USP48: variants seen among roughly 807,000 people sequenced by gnomAD.
USP48 encodes the protein ubiquitin specific peptidase 48.
A neutral mutation model predicts 150.7 loss-of-function variants in USP48; 43 were observed. The observed-to-expected ratio is 0.29, with a 90% confidence interval of 0.22 to 0.37. The LOEUF (loss-of-function observed/expected upper bound fraction) is 0.37, where lower values mean the gene tolerates loss of function less well. Ranked by LOEUF, USP48 falls within the 10% of genes least tolerant of loss-of-function variation. USP48 has a pLI of 1.00. For synonymous variants in USP48, 396 were observed against 425.9 expected, an observed-to-expected ratio of 0.93 and a Z score of 0.86; for missense variants, 813 against 1,249.6, an observed-to-expected ratio of 0.65 and a Z score of 5.27.
intron 1 of USP48, among the ~76,000 whole-genome samples, chr1:21,777,564 T>C (rs1220349180): frequency 6.6e-6 from 1 of 151,886 alleles, no homozygotes; most frequent in Non-Finnish European, 1.5e-5. Context: ...CTACTGGGGA[T>C]GTTGAGGCAA....
chr1:21,729,315 C>T, intron 10 of USP48, among the ~76,000 whole-genome samples: 1 of 151,532 alleles, frequency 6.6e-6, no homozygotes, highest in Admixed American at 6.6e-5. Context: ...TAGATGATGC[C>T]ACCAAGCTTA....
At chr1:21,706,709 A>G (rs1392653331) in intron 16 of USP48, 35 bp downstream of exon 16, 13 of 1,609,768 alleles carry the variant, frequency 8.1e-6, no homozygotes, top group Non-Finnish European at 1.1e-5. Flanking sequence ...GGGAGGTGGC[A>G]TGCCATTTCC....
intron 1 of USP48, among the ~76,000 whole-genome samples, chr1:21,766,932 C>T (rs1046210484): frequency 2.0e-5 from 3 of 152,036 alleles, no homozygotes; most frequent in African/African-American, 4.8e-5. Context: ...GGCGTGGTGG[C>T]GGGCATCTAT....
chr1:21,747,225 T>C lies in USP48; in HGVS notation c.909-76A>G, dbSNP rs989783865. ...AATATATAAGCTCTATTAGCTATTT[T>C]AATAAACTCAACAGTAGCTAGCTTT... On this transcript the variant is annotated intron_variant, in intron 7 of 26. Coordinates refer to ENST00000308271, the MANE Select transcript of USP48 (RefSeq NM_032236.8). 13 of 1,005,332 alleles carry C rather than the reference T, an allele frequency of 1.3e-5. No homozygotes were observed. The African/African-American group carries it at 2.2e-4, about 17-fold the overall frequency. 62.3% of individuals were successfully genotyped at this position (1,005,332 alleles called of 1,614,324 possible).
At chr1:21,750,641 G>C (rs542055730) in intron 6 of USP48, among the ~76,000 whole-genome samples, 4 of 152,222 alleles carry the variant, frequency 2.6e-5, no homozygotes. Context: ...GGGAGGCCAA[G>C]GCAGGCGGAT....
At chr1:21,741,873 C>G (rs2097782592) in intron 8 of USP48, among the ~76,000 whole-genome samples, 1 of 152,048 alleles carries the variant, frequency 6.6e-6, no homozygotes, top group South Asian at 2.1e-4. Flanking sequence ...ACTCAGGAGG[C>G]TGAGGTGGGA....
At chr1:21,713,797 CAACT>C (rs2097696869) in intron 15 of USP48, among the ~76,000 whole-genome samples, 2 of 152,188 alleles carry the variant, frequency 1.3e-5, no homozygotes, top group Non-Finnish European at 1.5e-5. Flanking sequence ...CTCACGAGGT[CAACT>C]CATCTTCTCC....
intron 15 of USP48, among the ~76,000 whole-genome samples, chr1:21,708,839 C>G (rs1444197531): frequency 7.4e-6 from 1 of 135,586 alleles, no homozygotes; most frequent in Admixed American, 8.2e-5. Flanking sequence ...GAGCCAAGAT[C>G]GCACCATTGT....
intron 15 of USP48, among the ~76,000 whole-genome samples, chr1:21,712,188 A>G (rs576525736): frequency 1.3e-5 from 2 of 152,318 alleles, no homozygotes; most frequent in Admixed American, 6.5e-5. Context: ...GCAAAACCCC[A>G]TATCTACTAA....
intron 15 of USP48, among the ~76,000 whole-genome samples, chr1:21,714,581 G>T (rs2097699239): frequency 6.6e-6 from 1 of 152,126 alleles, no homozygotes; most frequent in Admixed American, 6.6e-5. Flanking sequence ...CTTTGGAGGT[G>T]GGAAGGGGAA....
At chr1:21,751,037 A>G (rs1438427101) in intron 6 of USP48, among the ~76,000 whole-genome samples, 1 of 152,218 alleles carries the variant, frequency 6.6e-6, no homozygotes, top group African/African-American at 2.4e-5. Flanking sequence ...GTATACATTC[A>G]TGCTTGACAA....
chr1:21,734,418 A>G (rs1405108896), intron 9 of USP48, among the ~76,000 whole-genome samples: 2 of 152,162 alleles, frequency 1.3e-5, no homozygotes, highest in East Asian at 3.9e-4. Flanking sequence ...TATAAATAAA[A>G]GGAAAGAAAA....
At chr1:21,695,289 T>G in intron 22 of USP48, 68 bp from the exon 23 acceptor site, 6 of 1,484,498 alleles carry the variant, frequency 4.0e-6, no homozygotes, top group Non-Finnish European at 5.4e-6. Flanking sequence ...CTCATGAAGT[T>G]TTTCAGGTAA....
intron 21 of USP48, among the ~76,000 whole-genome samples, chr1:21,701,877 C>T (rs2097657990): frequency 6.6e-6 from 1 of 152,126 alleles, no homozygotes; most frequent in South Asian, 2.1e-4. Flanking sequence ...TATTATCAGT[C>T]TTGTACAATG....
chr1:21,706,562 C>T lies in USP48; in HGVS notation c.2116G>A (p.Glu706Lys). 1 of 1,614,204 alleles carries T rather than the reference C, an allele frequency of 6.2e-7. No individual in the cohort carries two copies. The highest frequency in any genetic ancestry group is 8.5e-7 in the Non-Finnish European group (1 of 1,180,036). Residue 706 changes from glutamate to lysine, a missense_variant, in exon 17 of 27, where the codon GAA (glutamate) becomes AAA (lysine). By Grantham distance (56) the Glu-to-Lys change is moderately conservative (BLOSUM62 1). Coordinates refer to ENST00000308271, the MANE Select transcript of USP48 (RefSeq NM_032236.8). The stretch of plus-strand genomic sequence containing the variant: ...TTTGCAATCATCTTATGTAAGGCTT[C>T]ATTTTCTTCCCCTTCTCTTTCTAAA... ...KILEREGEEN[E>K]ALHKMIANEQ...
chr1:21,698,767 C>G (rs771849959), intron 22 of USP48, among the ~76,000 whole-genome samples: 1 of 151,842 alleles, frequency 6.6e-6, no homozygotes, highest in Non-Finnish European at 1.5e-5. Flanking sequence ...TGGTGGCGGG[C>G]GCCTGTAGTC....
intron 1 of USP48, among the ~76,000 whole-genome samples, chr1:21,779,553 A>AAAT (rs1007096935): frequency 6.6e-6 from 1 of 151,950 alleles, no homozygotes; most frequent in East Asian, 1.9e-4. Context: ...CTCAAAAAAA[A>AAAT]AATAATAATA....
intron 11 of USP48, 122 bp from the exon 12 acceptor site, chr1:21,724,217 A>G (rs1571866318): frequency 1.0e-6 from 1 of 991,058 alleles, no homozygotes; most frequent in Admixed American, 2.1e-5. Context: ...CAGAAGAATC[A>G]TTGTCTGGGG....
intron 1 of USP48, among the ~76,000 whole-genome samples, chr1:21,766,762 C>T (rs1023924749): frequency 1.3e-5 from 2 of 151,754 alleles, no homozygotes; most frequent in Non-Finnish European, 2.9e-5. Context: ...CTCTACCTAA[C>T]GGGCTCAAGA....
Sources: allele counts gnomAD v4.1 joint callset (sites outside exome capture counted in the v4.1 genomes callset), GRCh38; gene constraint gnomAD v4.1.1; transcripts MANE v1.5; gene names NCBI Gene and HGNC (gene_info 2026-07-23, HGNC 2026-07-21).